Variants in ADD1 observed in about 807,000 individuals in gnomAD.
ADD1 encodes the protein alpha-adducin.
A neutral mutation model predicts 80.5 loss-of-function variants in ADD1; 24 were observed. The observed-to-expected ratio is 0.30, with a 90% CI of 0.22 to 0.42. The LOEUF is 0.42. Ranked by LOEUF, ADD1 falls within the 10% of genes least tolerant of loss-of-function variation. The pLI is 1.00. For missense variants in ADD1, 948 were observed against 1,019.0 expected (o/e 0.93, Z 0.95); for synonymous variants, 373 against 393.8 (o/e 0.95, Z 0.63).
intron 14 of ADD1, among the ~76,000 whole-genome samples, chr4:2,924,349 G>T (rs536735736): frequency 6.6e-6 from 1 of 152,302 alleles, no homozygotes; most frequent in South Asian, 2.1e-4. Context: ...CAAGCTCCCT[G>T]CTGCCAGCTC....
chr4:2,848,062 A>C (rs1459391614), intron 1 of ADD1, among the ~76,000 whole-genome samples: 1 of 152,126 alleles, frequency 6.6e-6, no homozygotes, highest in Admixed American at 6.5e-5. Context: ...TAAAAATACA[A>C]AAATTAGTCA....
Position 2,881,426 on chromosome 4 carries a change from G to T in ADD1, c.196-472G>T, listed in dbSNP as rs543232010. The stretch of plus-strand genomic sequence containing the variant: ...TTCTATGTTTAGGTATGTATTTGCT[G>T]TAATAAGGACTGGTTATACTGCTTG... On this transcript the variant is annotated intron_variant, in intron 2 of 15. Coordinates refer to ENST00000683351, the MANE Select transcript of ADD1 (RefSeq NM_001354761.2). 6.6e-5 allele frequency among the ~76,000 whole-genome samples: 10 copies of T among 152,268 alleles called. No homozygotes were observed. The South Asian group carries it at 1.9e-3, about 28-fold the overall frequency.
At position 2,871,417 on chromosome 4, in the gene ADD1, TCTTGA is replaced by T. The variant is rs373956329; in HGVS notation, c.-20-4475_-20-4471del. 1.3e-4 allele frequency among the ~76,000 whole-genome samples: 20 copies of T among 152,344 alleles called. 1 individual carries two copies. The highest frequency in any genetic ancestry group is 4.3e-4 in the African/African-American group (18 of 41,570). On this transcript the variant is annotated intron_variant, in intron 1 of 15. Coordinates refer to ENST00000683351, the MANE Select transcript of ADD1 (RefSeq NM_001354761.2). ...TCATTTGAGATAGTTGGTGTAAGTG[TCTTGA>T]CTTTTTATATTTGGAAACATTAAAT...
At chr4:2,852,855 A>C (rs1264746806) in intron 1 of ADD1, among the ~76,000 whole-genome samples, 15 of 151,494 alleles carry the variant, frequency 9.9e-5, no homozygotes, top group African/African-American at 3.6e-4. Context: ...CCACCCCACC[A>C]CACCCAGCTA....
Position 2,899,485 on chromosome 4 carries a change from C to T in ADD1, c.1161+50C>T, listed in dbSNP as rs753597113. 1.9e-6 allele frequency: 3 copies of T among 1,604,988 alleles called. No individual in the cohort carries two copies. In the East Asian group the frequency reaches 6.7e-5, roughly 36 times the overall value. ...GATAAACCTTTTGTTCTAAAAGCATCAGTGTTGGTGTTCTTACAGCAAGTG... is the reference window on the plus strand; with the variant it reads ...GATAAACCTTTTGTTCTAAAAGCATTAGTGTTGGTGTTCTTACAGCAAGTG... On this transcript the variant is annotated intron_variant, in intron 9 of 15. Coordinates refer to ENST00000683351, the MANE Select transcript of ADD1 (RefSeq NM_001354761.2).
chr4:2,855,902 T>C (rs959099157), intron 1 of ADD1, among the ~76,000 whole-genome samples: 2 of 151,870 alleles, frequency 1.3e-5, no homozygotes, highest in East Asian at 1.9e-4. Flanking sequence ...GGTTTTGCCA[T>C]GTTGTGTAGG....
chr4:2,926,058 G>C lies in ADD1; in HGVS notation c.1993G>C (p.Asp665His). Residue 665 changes from aspartate to histidine, a missense_variant, in exon 15 of 16, where the codon GAC becomes CAC. Coordinates refer to ENST00000683351, the MANE Select transcript of ADD1 (RefSeq NM_001354761.2). This position sits in a 1 kb window ranked among gnomAD's most constrained non-coding sequence, Gnocchi z 5.0. ...AREQKEKSPP[D>H]QPAVPHPPPS... Reference sequence around the variant, plus strand: ...AGAACAGAAAGAAAAGAGTCCTCCAGACCAGCCTGCGGTCCCCCACCCGCC... The same window carrying C: ...AGAACAGAAAGAAAAGAGTCCTCCACACCAGCCTGCGGTCCCCCACCCGCC... 1 of 1,614,162 alleles carries C rather than the reference G, an allele frequency of 6.2e-7. No homozygotes were observed. Among genetic ancestry groups the C allele is most frequent in the Non-Finnish European group, 8.5e-7 (1 of 1,180,022 alleles).
intron 1 of ADD1, among the ~76,000 whole-genome samples, chr4:2,847,069 A>T (rs1726332078): frequency 1.3e-5 from 2 of 151,556 alleles, no homozygotes; most frequent in African/African-American, 4.9e-5. Context: ...GTGAGTGGAG[A>T]TCGCTCCGTT....
intron 8 of ADD1, 113 bp downstream of exon 8, chr4:2,898,644 T>G (rs1337720387): frequency 1.1e-6 from 1 of 912,102 alleles, no homozygotes; most frequent in Non-Finnish European, 1.8e-6. Flanking sequence ...GCAATCTCTT[T>G]GCCAAAGATA....
At chr4:2,908,810 C>T (rs1737500744) in intron 12 of ADD1, 1 of 588,824 alleles carries the variant, frequency 1.7e-6, no homozygotes, top group Non-Finnish European at 3.0e-6. Flanking sequence ...GCTGTGTCCA[C>T]CCCTCTGGTC....
At chr4:2,863,598 G>A (rs1012308220) in intron 1 of ADD1, among the ~76,000 whole-genome samples, 6 of 152,162 alleles carry the variant, frequency 3.9e-5, no homozygotes, top group African/African-American at 1.2e-4. Context: ...TCTTAGGTTT[G>A]TCCAGTAATC....
intron 3 of ADD1, among the ~76,000 whole-genome samples, chr4:2,883,661 G>C (rs137935325): frequency 6.6e-6 from 1 of 151,872 alleles, no homozygotes; most frequent in African/African-American, 2.4e-5. Context: ...TCCATGCCTG[G>C]CTAATTTTTC....
intron 1 of ADD1, among the ~76,000 whole-genome samples, chr4:2,866,904 C>CCCAATA (rs1729637691): frequency 2.0e-5 from 3 of 152,066 alleles, no homozygotes; most frequent in Non-Finnish European, 2.9e-5. Flanking sequence ...AACCCCATCT[C>CCCAATA]TACAAAAAAT....
intron 4 of ADD1, among the ~76,000 whole-genome samples, 189 bp downstream of exon 4, chr4:2,884,855 A>G (rs759866387): frequency 3.3e-5 from 5 of 152,246 alleles, no homozygotes; most frequent in Non-Finnish European, 5.9e-5. Context: ...TTACAGGAAC[A>G]GCAGTTCTTG....
At chr4:2,869,920 C>T (rs980292100) in intron 1 of ADD1, among the ~76,000 whole-genome samples, 3 of 152,106 alleles carry the variant, frequency 2.0e-5, no homozygotes, top group Non-Finnish European at 2.9e-5. Context: ...CTTTTTCCCA[C>T]GGAGCAGTAA....
At chr4:2,861,602 T>C (rs1381343622) in intron 1 of ADD1, among the ~76,000 whole-genome samples, 3 of 152,146 alleles carry the variant, frequency 2.0e-5, no homozygotes. Context: ...TGGGGCCCAT[T>C]AGTGTATATA....
intron 1 of ADD1, among the ~76,000 whole-genome samples, chr4:2,874,782 C>G (rs1256075338): frequency 1.3e-5 from 2 of 152,026 alleles, no homozygotes; most frequent in Non-Finnish European, 2.9e-5. Context: ...ATAAACTCTA[C>G]TTTATAGGCT....
chr4:2,878,474 G>A (rs192183778), intron 2 of ADD1, among the ~76,000 whole-genome samples: 5 of 152,174 alleles, frequency 3.3e-5, no homozygotes, highest in South Asian at 4.1e-4. Flanking sequence ...GTTTACTTAC[G>A]TAAAAACAAC....
At chr4:2,855,474 C>G (rs1411746629) in intron 1 of ADD1, among the ~76,000 whole-genome samples, 5 of 150,980 alleles carry the variant, frequency 3.3e-5, no homozygotes, top group Non-Finnish European at 5.9e-5. Context: ...TCTTAATATT[C>G]TTTTAGTGAT....
Sources: gnomAD v4.1 joint callset for allele counts (sites outside exome capture counted in the v4.1 genomes callset) on GRCh38, gnomAD v4.1.1 for gene constraint, Gnocchi (gnomAD v3.1) non-coding constraint, MANE v1.5 for transcripts, NCBI Gene and HGNC (gene_info 2026-07-23, HGNC 2026-07-21) for gene names.